Variants in CYSLTR1 observed in about 807,000 individuals in gnomAD.
The protein encoded by CYSLTR1 is G-protein coupled receptor HG55.
In CYSLTR1, 1 loss-of-function variant was observed where a neutral mutation model predicts 2.1. The ratio of observed to expected loss-of-function variants is 0.48; its 90% CI spans 0.17 to 2.28. The LOEUF (loss-of-function observed/expected upper bound fraction) is 2.28, where lower values mean the gene tolerates loss of function less well. Ranked by LOEUF, CYSLTR1 falls within the 30% of genes most tolerant of loss-of-function variation. CYSLTR1 has a pLI of 0.26. For synonymous variants in CYSLTR1, 110 were observed against 89.6 expected (o/e 1.23, Z -1.28); for missense variants, 299 against 250.1 (o/e 1.20, Z -1.32).
At position 78,271,511 on chromosome X, in the gene CYSLTR1, T is replaced by C. The variant is rs1407346859; in HGVS notation, c.*1222A>G. The C allele has an allele frequency of 9.0e-6, 1 of 111,531 alleles. No homozygotes were observed. Among genetic ancestry groups the C allele is most frequent in the East Asian group, 2.8e-4 (1 of 3,587 alleles). The allele number at this position is 111,531 out of a possible 1,213,427, so 9.2% of individuals were successfully genotyped here. ...TTATTTCTTCTGAGGTAAGTTACTT[T>C]TTAAAAAACAAACTTAAAGGACACA... On this transcript the variant is annotated 3_prime_UTR_variant, in exon 3 of 3. Coordinates refer to ENST00000373304, the MANE Select transcript of CYSLTR1 (RefSeq NM_006639.4).
chrX:78,285,768 A>G (rs1204788676), intron 1 of CYSLTR1, among the ~76,000 whole-genome samples: 1 of 111,738 alleles, frequency 8.9e-6, no homozygotes, highest in Non-Finnish European at 1.9e-5. Flanking sequence ...TGGTTCCTTT[A>G]TGAATTAGCC....
At chrX:78,320,361 T>C (rs1472023278) in intron 1 of CYSLTR1, 1 of 112,123 alleles carries the variant, frequency 8.9e-6, no homozygotes, top group Non-Finnish European at 1.9e-5. Context: ...ATTTATTAAA[T>C]AGGGAATCCT....
At chrX:78,279,556 A>AAAC (rs1921745305) in intron 2 of CYSLTR1, among the ~76,000 whole-genome samples, 1 of 112,533 alleles carries the variant, frequency 8.9e-6, no homozygotes, top group African/African-American at 3.2e-5. Flanking sequence ...AAAAAACATA[A>AAAC]AACAGAACTA....
At position 78,272,857 on chromosome X, in the gene CYSLTR1, A is replaced by T. The variant is rs1011728699; in HGVS notation, c.890T>A (p.Phe297Tyr). ...NCCFDPLLYF[F>Y]SGGNFRKRLS... ...CCTTTTCCTAAAGTTACCCCCAGAA[A>T]AGAAATATAGGAGAGGGTCAAAGCA... Residue 297 changes from phenylalanine to tyrosine, a missense_variant, in exon 3 of 3, where the codon TTT (phenylalanine) becomes TAT (tyrosine). Coordinates refer to ENST00000373304, the MANE Select transcript of CYSLTR1 (RefSeq NM_006639.4). 2 of 1,211,595 alleles carry T rather than the reference A, an allele frequency of 1.7e-6. No homozygotes were observed. The highest frequency in any genetic ancestry group is 1.1e-6 in the Non-Finnish European group (1 of 895,485).
intron 1 of CYSLTR1, among the ~76,000 whole-genome samples, chrX:78,298,706 T>C (rs1329785708): frequency 9.0e-6 from 1 of 111,551 alleles, no homozygotes; most frequent in East Asian, 2.8e-4. Flanking sequence ...CTCTTTTTGG[T>C]TTTTTATTGG....
chrX:78,306,443 C>T (rs1054219478), intron 1 of CYSLTR1, among the ~76,000 whole-genome samples: 23 of 111,428 alleles, frequency 2.1e-4, no homozygotes, highest in Non-Finnish European at 3.8e-4. Flanking sequence ...GGATTACACG[C>T]ACGAGCCACT....
chrX:78,291,981 C>G (rs1922357734), intron 1 of CYSLTR1, among the ~76,000 whole-genome samples: 1 of 109,827 alleles, frequency 9.1e-6, no homozygotes, highest in Admixed American at 9.7e-5. Flanking sequence ...TAGTTCTGCT[C>G]TGATCTTAGT....
chrX:78,294,368 C>T (rs947741643), intron 1 of CYSLTR1, among the ~76,000 whole-genome samples: 2 of 112,508 alleles, frequency 1.8e-5, no homozygotes, highest in Non-Finnish European at 1.9e-5. Flanking sequence ...CAGAGGGGCA[C>T]TCACCTGTAT....
intron 1 of CYSLTR1, among the ~76,000 whole-genome samples, chrX:78,315,407 T>A (rs904548476): frequency 8.1e-5 from 9 of 111,396 alleles, no homozygotes; most frequent in African/African-American, 2.9e-4. Context: ...GTCTTACACC[T>A]TATATGCCAG....
intron 1 of CYSLTR1, among the ~76,000 whole-genome samples, chrX:78,295,563 C>T (rs1259085784): frequency 1.8e-5 from 2 of 111,264 alleles, no homozygotes; most frequent in African/African-American, 6.5e-5. Context: ...TTGTTACTGC[C>T]TGTCTTTTGT....
intron 1 of CYSLTR1, among the ~76,000 whole-genome samples, chrX:78,318,256 C>A (rs1347578895): frequency 9.0e-6 from 1 of 111,688 alleles, no homozygotes; most frequent in Non-Finnish European, 1.9e-5. Flanking sequence ...GGAACTGGAG[C>A]CCATTATTCT....
Position 78,276,366 on chromosome X carries a change from G to C in CYSLTR1, c.-27-2593C>G, listed in dbSNP as rs1380168187. On this transcript the variant is annotated intron_variant, in intron 2 of 2. Coordinates refer to ENST00000373304, the MANE Select transcript of CYSLTR1 (RefSeq NM_006639.4). Reference sequence around the variant, plus strand: ...AGATAATCTTTGATTGAAGTCTGATGTTGGCCTTTTACACAACTCCTGCTC... The same window carrying C: ...AGATAATCTTTGATTGAAGTCTGATCTTGGCCTTTTACACAACTCCTGCTC... Among the ~76,000 whole-genome samples the C allele has an allele frequency of 8.1e-5, 9 of 111,464 alleles. No individual in the cohort carries two copies. In the Admixed American group the frequency reaches 8.6e-4, roughly 11 times the overall value.
At chrX:78,289,042 C>G (rs1257345256) in intron 1 of CYSLTR1, among the ~76,000 whole-genome samples, 1 of 110,046 alleles carries the variant, frequency 9.1e-6, no homozygotes, top group Non-Finnish European at 1.9e-5. Flanking sequence ...TATACATGTG[C>G]CATGTTGGTT....
chrX:78,278,627 T>C (rs1213015085), intron 2 of CYSLTR1, among the ~76,000 whole-genome samples: 1 of 112,335 alleles, frequency 8.9e-6, no homozygotes, highest in Non-Finnish European at 1.9e-5. Context: ...AAAATTCATA[T>C]GGCACCAGAA....
intron 1 of CYSLTR1, among the ~76,000 whole-genome samples, chrX:78,304,986 G>C (rs753542427): frequency 8.9e-6 from 1 of 111,743 alleles, no homozygotes; most frequent in African/African-American, 3.2e-5. Flanking sequence ...TCTACATCTT[G>C]TTATTGGGCC....
chrX:78,276,493 A>T (rs1036986245), intron 2 of CYSLTR1, among the ~76,000 whole-genome samples: 3 of 110,770 alleles, frequency 2.7e-5, no homozygotes, highest in Non-Finnish European at 5.7e-5. Context: ...GGATACAGAA[A>T]CAGATAGCTA....
Position 78,272,653 on chromosome X carries a change from T to G in CYSLTR1, c.*80A>C. The G allele has an allele frequency of 1.0e-6, 1 of 987,094 alleles. No homozygotes were observed. Among genetic ancestry groups the G allele is most frequent in the Non-Finnish European group, 1.3e-6 (1 of 751,794 alleles). 81.3% of individuals were successfully genotyped at this position (987,094 alleles called of 1,213,427 possible). ...ATTTGTAAAATATTAAGTAAAATTT[T>G]TATTTTTTTTGTAAATGATTTGACA... On this transcript the variant is annotated 3_prime_UTR_variant, in exon 3 of 3. Transcript: ENST00000373304.
chrX:78,305,074 G>A (rs1211699667), intron 1 of CYSLTR1, among the ~76,000 whole-genome samples: 1 of 111,391 alleles, frequency 9.0e-6, no homozygotes, highest in East Asian at 2.8e-4. Context: ...TGATCCATTT[G>A]TTCATATCTT....
At chrX:78,304,472 G>A (rs1434892579) in intron 1 of CYSLTR1, among the ~76,000 whole-genome samples, 4 of 111,528 alleles carry the variant, frequency 3.6e-5, no homozygotes, top group Non-Finnish European at 7.5e-5. Flanking sequence ...AATATTAAAA[G>A]CCAGTGCCCT....
Sources: gnomAD v4.1 joint callset for allele counts (sites outside exome capture counted in the v4.1 genomes callset) on GRCh38, gnomAD v4.1.1 for gene constraint, MANE v1.5 for transcripts, NCBI Gene and HGNC (gene_info 2026-07-23, HGNC 2026-07-21) for gene names.